Variants in METTL25 observed in about 807,000 individuals in gnomAD.
METTL25 encodes methyltransferase like 25, also known as probable methyltransferase-like protein 25.
In METTL25, 64 loss-of-function variants were observed where a neutral mutation model predicts 71.6. That is an observed-to-expected ratio of 0.89 (90% CI 0.73 to 1.10). The LOEUF (loss-of-function observed/expected upper bound fraction) is 1.10. Among genes scored for constraint, METTL25 ranks in the 50% least tolerant of loss-of-function variants. The pLI is 0.00. For missense variants in METTL25, 807 were observed against 707.0 expected, an observed-to-expected ratio of 1.14 and a Z score of -1.60; for synonymous variants, 287 against 250.3, an observed-to-expected ratio of 1.15 and a Z score of -1.38.
chr12:82,432,796 T>C (rs1277224459), intron 6 of METTL25, among the ~76,000 whole-genome samples: 1 of 151,012 alleles, frequency 6.6e-6, no homozygotes, highest in African/African-American at 2.4e-5. Context: ...TAATATATCT[T>C]ATTTTATTGC....
intron 4 of METTL25, among the ~76,000 whole-genome samples, chr12:82,401,310 C>G (rs1263396629): frequency 6.6e-6 from 1 of 151,880 alleles, no homozygotes; most frequent in Non-Finnish European, 1.5e-5. Context: ...GTTTGAGAAA[C>G]AAGTTAATAC....
chr12:82,394,712 A>G (rs1405116872), intron 3 of METTL25, among the ~76,000 whole-genome samples: 1 of 152,032 alleles, frequency 6.6e-6, no homozygotes, highest in Admixed American at 6.6e-5. Flanking sequence ...TTTAATGTGT[A>G]TGTTGATATA....
At chr12:82,358,968 G>T in intron 1 of METTL25, 144 bp downstream of exon 1, 5 of 807,536 alleles carry the variant, frequency 6.2e-6, no homozygotes, top group South Asian at 1.6e-5. Context: ...GGAGGGGTCG[G>T]ATTAGTTGAG....
intron 9 of METTL25, among the ~76,000 whole-genome samples, chr12:82,464,865 T>C (rs1008427407): frequency 7.1e-6 from 1 of 140,058 alleles, no homozygotes; most frequent in African/African-American, 2.6e-5. Flanking sequence ...ATTTCCTTTA[T>C]AGCTATTGTA....
Position 82,399,253 on chromosome 12 carries a change from A to T in METTL25, c.990A>T (p.Gln330His), listed in dbSNP as rs766687433. 1.2e-6 allele frequency: 2 copies of T among 1,613,612 alleles called. No homozygotes were observed. The highest frequency in any genetic ancestry group is 1.7e-6 in the Non-Finnish European group (2 of 1,179,832). Reference sequence around the variant, plus strand: ...CTGTAGAGCCTACTTCTTCACAGCAAATACCCAACAGAGAAACATCTGAAG... The same window carrying T: ...CTGTAGAGCCTACTTCTTCACAGCATATACCCAACAGAGAAACATCTGAAG... Reference protein sequence around the residue: ...INAVEPTSSQQIPNRETSEAN... With the variant: ...INAVEPTSSQHIPNRETSEAN... The change falls in exon 4 of 12, where the codon CAA becomes CAT. Residue 330 changes from glutamine (Q) to histidine (H), a missense_variant. Transcript: ENST00000248306.
rs1243856992 is a variant in METTL25, at chr12:82,478,943, A to G, written c.1731A>G (p.Ala577=). 17 of 1,611,332 alleles carry G rather than the reference A, an allele frequency of 1.1e-5. No homozygotes were observed. The highest frequency in any genetic ancestry group is 1.4e-5 in the Non-Finnish European group (16 of 1,178,076). Residue 577 remains alanine, a synonymous_variant, in exon 12 of 12, where the codon GCA becomes GCG. Coordinates refer to ENST00000248306, the MANE Select transcript of METTL25 (RefSeq NM_032230.3). The part of the protein sequence containing the change: ...LCYLKEQEDI[A]WSALVKLFDP... The stretch of plus-strand genomic sequence containing the variant: ...TTATTAATTTACAGGAAGATATTGC[A>G]TGGTCTGCTCTTGTGAAGTTGTTTG...
At chr12:82,466,539 G>A (rs1892246383) in intron 9 of METTL25, among the ~76,000 whole-genome samples, 1 of 151,970 alleles carries the variant, frequency 6.6e-6, no homozygotes, top group Admixed American at 6.6e-5. Flanking sequence ...AATATTCCAT[G>A]TACTGATGAA....
At chr12:82,415,456 C>T (rs1242710781) in intron 5 of METTL25, among the ~76,000 whole-genome samples, 2 of 152,020 alleles carry the variant, frequency 1.3e-5, no homozygotes, top group Admixed American at 1.3e-4. Context: ...GGTGATCATA[C>T]ACATACATGT....
Position 82,425,704 on chromosome 12 carries a change from A to G in METTL25, c.1280-5189A>G, listed in dbSNP as rs181632510. ...AAACAAAGCGACTAAAGATTTAATG[A>G]GTAGGTATTGCATTACCAAGTTAGT... On this transcript the variant is annotated intron_variant, in intron 5 of 11. Transcript: ENST00000248306. Among the ~76,000 whole-genome samples, 203 of 152,238 alleles carry G rather than the reference A, an allele frequency of 1.3e-3. 3 individuals are homozygous for G. Among genetic ancestry groups the G allele is most frequent in the East Asian group, 5.6e-3 (29 of 5,166 alleles).
At chr12:82,377,587 G>C (rs145208307) in intron 1 of METTL25, among the ~76,000 whole-genome samples, 52 of 152,230 alleles carry the variant, frequency 3.4e-4, no homozygotes, top group Admixed American at 1.2e-3. Context: ...AGGAAATTTA[G>C]TCTACCAGTG....
At chr12:82,427,794 G>A (rs143174244) in intron 5 of METTL25, among the ~76,000 whole-genome samples, 19 of 57,848 alleles carry the variant, frequency 3.3e-4, no homozygotes, top group Non-Finnish European at 5.9e-4. Context: ...TTATTCTAGT[G>A]TGATATACAG....
intron 8 of METTL25, among the ~76,000 whole-genome samples, chr12:82,449,976 A>G (rs1386060190): frequency 6.6e-6 from 1 of 152,058 alleles, no homozygotes; most frequent in African/African-American, 2.4e-5. Context: ...GAATGACCCT[A>G]TGTTGTTAAA....
At chr12:82,413,112 A>C (rs1173584252) in intron 5 of METTL25, among the ~76,000 whole-genome samples, 1 of 152,018 alleles carries the variant, frequency 6.6e-6, no homozygotes, top group African/African-American at 2.4e-5. Context: ...CCTATAAATC[A>C]TTAGTATTTT....
intron 3 of METTL25, among the ~76,000 whole-genome samples, chr12:82,393,873 T>C (rs1885833740): frequency 6.6e-6 from 1 of 152,022 alleles, no homozygotes; most frequent in Admixed American, 6.6e-5. Context: ...TTTTGTTACA[T>C]GCATTTATTG....
chr12:82,415,699 C>T (rs1887923019), intron 5 of METTL25, among the ~76,000 whole-genome samples: 1 of 152,118 alleles, frequency 6.6e-6, no homozygotes, highest in Admixed American at 6.6e-5. Context: ...CTTTCTCTAA[C>T]TTTTTGTCCT....
intron 1 of METTL25, among the ~76,000 whole-genome samples, chr12:82,373,628 G>C (rs1051817951): frequency 2.0e-5 from 3 of 152,142 alleles, no homozygotes; most frequent in African/African-American, 7.2e-5. Context: ...AGTGAGTCTC[G>C]CTGGGGCGAC....
intron 1 of METTL25, among the ~76,000 whole-genome samples, chr12:82,373,610 G>A (rs1406079367): frequency 6.6e-6 from 1 of 152,194 alleles, no homozygotes. Context: ...GGATAGATAG[G>A]ATAGATGAGT....
chr12:82,388,570 C>A (rs1475538928), intron 2 of METTL25, among the ~76,000 whole-genome samples: 2 of 151,926 alleles, frequency 1.3e-5, no homozygotes, highest in South Asian at 2.1e-4. Context: ...CTTGGCCCCT[C>A]CCCCAATGTA....
Position 82,358,713 on chromosome 12 carries a change from C to T in METTL25, c.148C>T (p.Leu50=), listed in dbSNP as rs747154008. Residue 50 remains leucine, a synonymous_variant, in exon 1 of 12, where the codon CTG becomes TTG. Coordinates refer to ENST00000248306, the MANE Select transcript of METTL25 (RefSeq NM_032230.3). Reference sequence around the variant, plus strand: ...CTACACAGAATCCGTGTGGGAGGAGCTGGTCGACTTGCCACCGGAGACAGT... The same window carrying T: ...CTACACAGAATCCGTGTGGGAGGAGTTGGTCGACTTGCCACCGGAGACAGT... ...DFYTESVWEE[L]VDLPPETVLA... 6.8e-6 allele frequency: 11 copies of T among 1,614,056 alleles called. No homozygotes were observed. In the Admixed American group the frequency reaches 1.5e-4, roughly 22 times the overall value.
Sources: gnomAD v4.1 joint callset for allele counts (sites outside exome capture counted in the v4.1 genomes callset) on GRCh38, gnomAD v4.1.1 for gene constraint, MANE v1.5 for transcripts, NCBI Gene and HGNC (gene_info 2026-07-23, HGNC 2026-07-21) for gene names.